Variants in ZNF541 observed in about 807,000 individuals in gnomAD.
ZNF541 encodes zinc finger protein 541.
Under a neutral mutation model 123.5 loss-of-function variants are expected in ZNF541, and 23 were observed. The ratio of observed to expected loss-of-function variants is 0.19; its 90% CI spans 0.13 to 0.26. The LOEUF (loss-of-function observed/expected upper bound fraction) is 0.26. Among genes scored for constraint, ZNF541 ranks in the 10% least tolerant of loss-of-function variants. ZNF541 has a pLI of 1.00. For missense variants in ZNF541, 1,612 were observed against 1,789.9 expected, an observed-to-expected ratio of 0.90 and a Z score of 1.79; for synonymous variants, 751 against 754.5, an observed-to-expected ratio of 1.00 and a Z score of 0.08.
intron 2 of ZNF541, among the ~76,000 whole-genome samples, chr19:47,557,116 T>G (rs1052920189): frequency 1.3e-5 from 2 of 152,164 alleles, no homozygotes; most frequent in African/African-American, 4.8e-5. Flanking sequence ...AAAATTAACT[T>G]CATCTGCTTA....
intron 11 of ZNF541, 149 bp downstream of exon 11, chr19:47,531,979 C>A (rs1318280887): frequency 4.4e-6 from 5 of 1,128,306 alleles, no homozygotes; most frequent in Non-Finnish European, 6.1e-6. Flanking sequence ...AGGGAAGAAG[C>A]AACGCTGGCC....
At position 47,545,665 on chromosome 19, in the gene ZNF541, A is replaced by G; in HGVS notation, c.864T>C (p.Pro288=). 6.5e-7 allele frequency: 1 copy of G among 1,549,424 alleles called. No homozygotes were observed. Among genetic ancestry groups the G allele is most frequent in the Non-Finnish European group, 8.7e-7 (1 of 1,146,750 alleles). Residue 288 remains proline (P), a synonymous_variant, in exon 5 of 17, where the codon CCT becomes CCC. Coordinates refer to ENST00000391901, the MANE Select transcript of ZNF541 (RefSeq NM_001277075.3). The surrounding 1 kb of genome is among the most constrained non-coding windows in gnomAD (Gnocchi z 7.5). ...CCCCCGCCGGGGCTGGGCCAGGAGAAGGGGTCTTCTGGTGGACGATGCTAC... is the reference window on the plus strand; with the variant it reads ...CCCCCGCCGGGGCTGGGCCAGGAGAGGGGGTCTTCTGGTGGACGATGCTAC... ...IVSSIVHQKT[P]SPGPAPAGAS... is the part of the protein sequence containing the mutation.
At chr19:47,556,003 T>C (rs768720308) in intron 2 of ZNF541, 49 bp from the exon 3 acceptor site, 30 of 852,952 alleles carry the variant, frequency 3.5e-5, no homozygotes, top group African/African-American at 1.9e-4. Flanking sequence ...CAAAACAGCA[T>C]TGTGGGCAGA....
intron 3 of ZNF541, among the ~76,000 whole-genome samples, chr19:47,550,955 A>G (rs564883393): frequency 1.1e-4 from 17 of 152,334 alleles, no homozygotes; most frequent in Non-Finnish European, 1.6e-4. Flanking sequence ...TGGCACTCAC[A>G]GGCACTCAAT....
chr19:47,545,998 C>CAGGGG lies in ZNF541; in HGVS notation c.549-23_549-19dup. 1 of 1,444,668 alleles carries CAGGGG rather than the reference C, an allele frequency of 6.9e-7. No individual in the cohort carries two copies. Among genetic ancestry groups the CAGGGG allele is most frequent in the South Asian group, 1.5e-5 (1 of 67,424 alleles). 89.5% of individuals were successfully genotyped at this position (1,444,668 alleles called of 1,614,324 possible). A position where few individuals can be genotyped will look rare whatever the true frequency, so the allele number is the denominator to read the frequency against. On this transcript the variant is annotated intron_variant, in intron 4 of 16. Transcript: ENST00000391901. The surrounding 1 kb of genome is among the most constrained non-coding windows in gnomAD (Gnocchi z 7.5). ...GCCCGGTCCTGGAGCCAGACACAAG[C>CAGGGG]AGGGGCGTCACCGGGGCACCTGGGA...
chr19:47,521,132 G>T lies in ZNF541; in HGVS notation c.*92C>A. 2 of 1,449,776 alleles carry T rather than the reference G, an allele frequency of 1.4e-6. No homozygotes were observed. The highest frequency in any genetic ancestry group is 1.4e-5 in the South Asian group (1 of 73,232). The allele number at this position is 1,449,776 out of a possible 1,614,324, so 89.8% of individuals were successfully genotyped here. ...GGCCAACAGGGGACAGGGAGGGTGG[G>T]GGGAGGCAGAGGGGTGCCCCAAACG... is the stretch of plus-strand genomic sequence containing the variant. On this transcript the variant is annotated 3_prime_UTR_variant, in exon 17 of 17. Transcript: ENST00000391901. The surrounding 1 kb of genome is among the most constrained non-coding windows in gnomAD (Gnocchi z 4.2).
chr19:47,569,052 A>AT (rs528339537), intron 2 of ZNF541, among the ~76,000 whole-genome samples: 6 of 150,234 alleles, frequency 4.0e-5, no homozygotes, highest in East Asian at 3.9e-4. Flanking sequence ...AGTCATCAAC[A>AT]TTTTTTTTTA....
rs1469471280 is a variant in ZNF541, at chr19:47,545,793, C to A, written c.736G>T (p.Ala246Ser). 1.3e-6 allele frequency: 2 copies of A among 1,542,172 alleles called. No homozygotes were observed. The highest frequency in any genetic ancestry group is 1.7e-4 in the Middle Eastern group (1 of 5,944). The change falls in exon 5 of 17, where the codon GCC becomes TCC. Residue 246 changes from alanine (A) to serine (S), a missense_variant. Physicochemically the swap from Ala to Ser is moderately conservative, Grantham distance 99. Transcript: ENST00000391901. This position sits in a 1 kb window ranked among gnomAD's most constrained non-coding sequence, Gnocchi z 7.5. The stretch of plus-strand genomic sequence containing the variant: ...AGGCTGCTGGGGGGCGGCTGGCCGG[C>A]CGACTCGTGGGCGTGGGGGGAGTCC... ...CGDSPHAHES[A>S]GQPPPSSLRS... is the part of the protein sequence containing the mutation.
intron 1 of ZNF541, among the ~76,000 whole-genome samples, 43 bp from the exon 2 acceptor site, chr19:47,572,085 G>A (rs1473937527): frequency 6.6e-6 from 1 of 152,176 alleles, no homozygotes; most frequent in Non-Finnish European, 1.5e-5. Flanking sequence ...CAGGACTTGG[G>A]TCCCAAAGAA....
At position 47,567,409 on chromosome 19, in the gene ZNF541, C is replaced by A. The variant is rs1015147604; in HGVS notation, c.-99+4487G>T. Among the ~76,000 whole-genome samples, 6 of 152,168 alleles carry A rather than the reference C, an allele frequency of 3.9e-5. No individual in the cohort carries two copies. The South Asian group carries it at 8.3e-4, about 21-fold the overall frequency. ...AGTAGCTGGGGATTACAGGCGCCCG[C>A]CATCATGCCCAGCTAATTTTTGTAT... On this transcript the variant is annotated intron_variant, in intron 2 of 16. Coordinates refer to ENST00000391901, the MANE Select transcript of ZNF541 (RefSeq NM_001277075.3).
In ZNF541 at chr19:47,555,734, C is replaced by A; in HGVS notation, c.123G>T (p.Thr41=). ...TCAGGCCAGCATAAAGAAAGCCTCGCGTGTTGGGACCCAAATCCCGGTTGA... is the reference window on the plus strand; with the variant it reads ...TCAGGCCAGCATAAAGAAAGCCTCGAGTGTTGGGACCCAAATCCCGGTTGA... The part of the protein sequence containing the change: ...DTLNRDLGPN[T]RGFLYAGLSG... The change falls in exon 3 of 17, where the codon ACG becomes ACT. Residue 41 remains threonine (T), a synonymous_variant. Coordinates refer to ENST00000391901, the MANE Select transcript of ZNF541 (RefSeq NM_001277075.3). 2 of 1,551,722 alleles carry A rather than the reference C, an allele frequency of 1.3e-6. No homozygotes were observed. Among genetic ancestry groups the A allele is most frequent in the East Asian group, 2.4e-5 (1 of 40,922 alleles).
intron 5 of ZNF541, among the ~76,000 whole-genome samples, chr19:47,543,096 G>A (rs551679432): frequency 1.3e-5 from 2 of 152,060 alleles, no homozygotes; most frequent in African/African-American, 4.8e-5. Flanking sequence ...GCAACATAGC[G>A]AGACCCCCTC....
intron 14 of ZNF541, among the ~76,000 whole-genome samples, chr19:47,522,887 T>G (rs900461309): frequency 4.0e-5 from 6 of 151,708 alleles, no homozygotes; most frequent in African/African-American, 1.5e-4. Context: ...GCTGGGATTA[T>G]AGGTACCCTC....
Position 47,540,175 on chromosome 19 carries a change from C to T in ZNF541, c.2622+1G>A. The T allele has an allele frequency of 6.5e-7, 1 of 1,550,138 alleles. No homozygotes were observed. Among genetic ancestry groups the T allele is most frequent in the Non-Finnish European group, 8.7e-7 (1 of 1,146,656 alleles). ...CCAAGCCACTGGTCGTCCCCCTTCA[C>T]CTGCGGTTCCTGCTTCCCTCGAGGT... On this transcript the variant is annotated splice_donor_variant, in intron 7 of 16. Coordinates refer to ENST00000391901, the MANE Select transcript of ZNF541 (RefSeq NM_001277075.3). LOFTEE classifies it high-confidence loss of function.
intron 2 of ZNF541, among the ~76,000 whole-genome samples, chr19:47,563,184 C>G (rs549401081): frequency 1.3e-5 from 2 of 152,258 alleles, no homozygotes; most frequent in African/African-American, 4.8e-5. Flanking sequence ...GGTACGTAAT[C>G]CCATATACAA....
chr19:47,522,005 A>G lies in ZNF541; in HGVS notation c.3571-11T>C, dbSNP rs1239305116. 3.9e-5 allele frequency: 61 copies of G among 1,551,200 alleles called. No individual in the cohort carries two copies. Among genetic ancestry groups the G allele is most frequent in the Non-Finnish European group, 5.1e-5 (59 of 1,146,792 alleles). On this transcript the variant is annotated splice_polypyrimidine_tract_variant and intron_variant, in intron 14 of 16. Transcript: ENST00000391901. ...CGTCTTTGTCTGGATCTAGTGAAAGAAAACAAGCAGGCTGTGGCTGTGCCA... is the reference window on the plus strand; with the variant it reads ...CGTCTTTGTCTGGATCTAGTGAAAGGAAACAAGCAGGCTGTGGCTGTGCCA...
At chr19:47,552,320 A>C (rs1231517809) in intron 3 of ZNF541, among the ~76,000 whole-genome samples, 1 of 152,190 alleles carries the variant, frequency 6.6e-6, no homozygotes, top group African/African-American at 2.4e-5. Context: ...CAGACACAGC[A>C]GAAGGGAAAC....
intron 12 of ZNF541, among the ~76,000 whole-genome samples, chr19:47,530,782 C>T (rs1969530856): frequency 6.6e-6 from 1 of 151,990 alleles, no homozygotes; most frequent in African/African-American, 2.4e-5. Context: ...TCCCAAGTAG[C>T]TGGGATTACA....
chr19:47,530,814 CT>C (rs1309984170), intron 12 of ZNF541, among the ~76,000 whole-genome samples: 2 of 151,630 alleles, frequency 1.3e-5, no homozygotes, highest in African/African-American at 2.4e-5. Flanking sequence ...CCATGCCTGG[CT>C]AATTTTTTTA....
Sources: allele counts gnomAD v4.1 joint callset (sites outside exome capture counted in the v4.1 genomes callset), GRCh38; gene constraint gnomAD v4.1.1; non-coding constraint Gnocchi (gnomAD v3.1); transcripts MANE v1.5; gene names NCBI Gene and HGNC (gene_info 2026-07-23, HGNC 2026-07-21).